The following ZNF12 variants were observed in gnomAD, a reference collection of about 807,000 sequenced individuals.
ZNF12 encodes the protein zinc finger protein 12, also known as gonadotropin inducible transcription repressor 3.
A neutral mutation model predicts 66.6 loss-of-function variants in ZNF12; 34 were observed. The observed-to-expected ratio is 0.51, with a 90% CI of 0.39 to 0.68. The LOEUF (loss-of-function observed/expected upper bound fraction) is 0.68. ZNF12 is among the 30% of genes least tolerant of loss of function. The probability of loss-of-function intolerance (pLI) is 0.00; values close to 1 mark genes in which losing one functional copy is unlikely to be tolerated. For missense variants in ZNF12, 697 were observed against 826.9 expected, an observed-to-expected ratio of 0.84 and a Z score of 1.93; for synonymous variants, 320 against 278.9, an observed-to-expected ratio of 1.15 and a Z score of -1.47.
At chr7:6,703,190 T>G (rs1456500537) in intron 2 of ZNF12, among the ~76,000 whole-genome samples, 2 of 152,196 alleles carry the variant, frequency 1.3e-5, no homozygotes, top group Non-Finnish European at 2.9e-5. Flanking sequence ...CATCCCAGCT[T>G]CAGGCAACCT....
chr7:6,691,111 C>G lies in ZNF12; in HGVS notation c.1831G>C (p.Gly611Arg). ...GEKAYECYEC[G>R]KCFSQMSYLT... ...TAGGACATCTGAGAGAAGCACTTCC[C>G]ACATTCATAACATTCGTAGGCTTTC... is the stretch of plus-strand genomic sequence containing the variant. Residue 611 changes from glycine to arginine, a missense_variant, in exon 5 of 5, where the codon GGG becomes CGG. Gly to Arg is a moderately radical substitution (Grantham distance 125). This residue lies in a region of ZNF12 where 401 missense variants were observed against 519.0 expected (regional missense o/e 0.77). Transcript: ENST00000405858. The G allele has an allele frequency of 6.2e-7, 1 of 1,614,132 alleles. No individual in the cohort carries two copies. Among genetic ancestry groups the G allele is most frequent in the Non-Finnish European group, 8.5e-7 (1 of 1,180,016 alleles).
At position 6,697,565 on chromosome 7, in the gene ZNF12, C is replaced by A; in HGVS notation, c.142+120G>T. 6.5e-7 allele frequency: 1 copy of A among 1,538,198 alleles called. No homozygotes were observed. Among genetic ancestry groups the A allele is most frequent in the Non-Finnish European group, 8.9e-7 (1 of 1,126,700 alleles). On this transcript the variant is annotated intron_variant, in intron 3 of 4. Transcript: ENST00000405858. This position sits in a 1 kb window ranked among gnomAD's most constrained non-coding sequence, Gnocchi z 6.1. ...CACGGGGGAGATCAAGACCAAAATGCCCTGCCTGGTGCCCAAAAACAGATT... is the reference window on the plus strand; with the variant it reads ...CACGGGGGAGATCAAGACCAAAATGACCTGCCTGGTGCCCAAAAACAGATT...
At chr7:6,701,605 T>C (rs1034696825) in intron 2 of ZNF12, among the ~76,000 whole-genome samples, 1 of 151,914 alleles carries the variant, frequency 6.6e-6, no homozygotes, top group Non-Finnish European at 1.5e-5. Context: ...TGTGTGGGGG[T>C]GGTTAGGATG....
At position 6,705,904 on chromosome 7, in the gene ZNF12, A is replaced by G. The variant is rs1179082361; in HGVS notation, c.-51+528T>C. On this transcript the variant is annotated intron_variant, in intron 1 of 4. Coordinates refer to ENST00000405858, the MANE Select transcript of ZNF12 (RefSeq NM_016265.4). The surrounding 1 kb of genome is among the most constrained non-coding windows in gnomAD (Gnocchi z 4.0). Reference sequence around the variant, plus strand: ...AGTGTGCTACTCAAAAGGATCTTTTATTGAAGAACTTACGCTCACTTAACT... The same window carrying G: ...AGTGTGCTACTCAAAAGGATCTTTTGTTGAAGAACTTACGCTCACTTAACT... Among the ~76,000 whole-genome samples, 1 of 152,184 alleles carries G rather than the reference A, an allele frequency of 6.6e-6. No individual in the cohort carries two copies. Among genetic ancestry groups the G allele is most frequent in the Non-Finnish European group, 1.5e-5 (1 of 68,018 alleles).
chr7:6,703,366 G>A (rs1031982491), intron 2 of ZNF12, among the ~76,000 whole-genome samples: 3 of 152,262 alleles, frequency 2.0e-5, no homozygotes, highest in African/African-American at 7.2e-5. Context: ...ACAGTAGAGA[G>A]GCCAAAAAAT....
chr7:6,693,005 AAT>A lies in ZNF12; in HGVS notation c.239-304_239-303del, dbSNP rs570141268. ...GTTCAAAACTGGGAATAGAAGATAA[AAT>A]ATAACACAGAACAATGACTGGTAGG... On this transcript the variant is annotated intron_variant, in intron 4 of 4. Coordinates refer to ENST00000405858, the MANE Select transcript of ZNF12 (RefSeq NM_016265.4). 1.3e-3 allele frequency among the ~76,000 whole-genome samples: 191 copies of A among 152,324 alleles called. 1 individual carries two copies. The highest frequency in any genetic ancestry group is 4.4e-3 in the African/African-American group (184 of 41,566).
chr7:6,702,145 C>T (rs1454414308), intron 2 of ZNF12, among the ~76,000 whole-genome samples: 4 of 152,070 alleles, frequency 2.6e-5, no homozygotes, highest in Non-Finnish European at 5.9e-5. Context: ...GCATTTGACA[C>T]AGTTGATCAC....
At position 6,697,149 on chromosome 7, in the gene ZNF12, G is replaced by A. The variant is rs1250231298; in HGVS notation, c.238+190C>T. The stretch of plus-strand genomic sequence containing the variant: ...TGACTGGAATTCGATTCTTGGGAGT[G>A]GCAAGCACAGAAAAGCTCCATAAAC... On this transcript the variant is annotated intron_variant, in intron 4 of 4. Transcript: ENST00000405858. This position sits in a 1 kb window ranked among gnomAD's most constrained non-coding sequence, Gnocchi z 6.1. 6.6e-6 allele frequency among the ~76,000 whole-genome samples: 1 copy of A among 152,100 alleles called. No individual in the cohort carries two copies. Among genetic ancestry groups the A allele is most frequent in the Admixed American group, 6.6e-5 (1 of 15,260 alleles).
At position 6,700,304 on chromosome 7, in the gene ZNF12, T is replaced by TACACACACACAAAC. The variant is rs1554294765; in HGVS notation, c.16-2494_16-2493insGTTTGTGTGTGTGT. Among the ~76,000 whole-genome samples the TACACACACACAAAC allele has an allele frequency of 4.8e-3, 623 of 129,058 alleles. 9 individuals are homozygous for TACACACACACAAAC. The highest frequency in any genetic ancestry group is 0.018 in the African/African-American group (572 of 32,556). 84.7% of individuals were successfully genotyped at this position (129,058 alleles called of 152,430 possible). ...CGTCTGAGAGGAAAAAAAAAAAATA[T>TACACACACACAAAC]ACACACACACACACACACACACACA... is the stretch of plus-strand genomic sequence containing the variant. On this transcript the variant is annotated intron_variant, in intron 2 of 4. Transcript: ENST00000405858.
chr7:6,704,525 T>A (rs1780316749), intron 2 of ZNF12, among the ~76,000 whole-genome samples: 1 of 141,432 alleles, frequency 7.1e-6, no homozygotes, highest in African/African-American at 2.7e-5. Flanking sequence ...GCTCAGGAGT[T>A]CGAGAGCAGC....
chr7:6,691,552 G>A lies in ZNF12; in HGVS notation c.1390C>T (p.Pro464Ser). The A allele has an allele frequency of 6.2e-7, 1 of 1,614,098 alleles. No individual in the cohort carries two copies. Among genetic ancestry groups the A allele is most frequent in the Non-Finnish European group, 8.5e-7 (1 of 1,179,990 alleles). The change falls in exon 5 of 5, where the codon CCC (proline) becomes TCC (serine). Residue 464 changes from proline to serine, a missense_variant. By Grantham distance (74) the Pro-to-Ser change is moderately conservative. Coordinates refer to ENST00000405858, the MANE Select transcript of ZNF12 (RefSeq NM_016265.4). ...TTTCCACATTCATTACATTCATAGG[G>A]TTTCTCTCCTGAATGAGTTCTATAA... is the stretch of plus-strand genomic sequence containing the variant. Reference protein sequence around the residue: ...VHYRTHSGEKPYECNECGKTF... With the variant: ...VHYRTHSGEKSYECNECGKTF...
Position 6,698,563 on chromosome 7 carries a change from G to C in ZNF12, c.16-752C>G, listed in dbSNP as rs1476930890. 6.6e-6 allele frequency among the ~76,000 whole-genome samples: 1 copy of C among 152,080 alleles called. No individual in the cohort carries two copies. The highest frequency in any genetic ancestry group is 1.5e-5 in the Non-Finnish European group (1 of 68,024). On this transcript the variant is annotated intron_variant, in intron 2 of 4. Coordinates refer to ENST00000405858, the MANE Select transcript of ZNF12 (RefSeq NM_016265.4). This position sits in a 1 kb window ranked among gnomAD's most constrained non-coding sequence, Gnocchi z 4.4. ...AATTACCAAAATAACAAACAGGCTGGGCAACACACATTCTAGTTTTTATTT... is the reference window on the plus strand; with the variant it reads ...AATTACCAAAATAACAAACAGGCTGCGCAACACACATTCTAGTTTTTATTT...
In ZNF12 at chr7:6,697,516, T is replaced by G; in HGVS notation, c.143-82A>C. On this transcript the variant is annotated intron_variant, in intron 3 of 4. Transcript: ENST00000405858. The surrounding 1 kb of genome is among the most constrained non-coding windows in gnomAD (Gnocchi z 6.1). ...TGTCATACAGGGAAAATTCCATTTG[T>G]GTCTTATCAAAATCAGAACTTTTCA... 6.5e-7 allele frequency: 1 copy of G among 1,533,212 alleles called. No homozygotes were observed. The highest frequency in any genetic ancestry group is 8.9e-7 in the Non-Finnish European group (1 of 1,122,610). 95.0% of individuals were successfully genotyped at this position (1,533,212 alleles called of 1,614,324 possible).
rs116524574 is a variant in ZNF12 at position 6,701,139 on chromosome 7, G to A, written c.16-3328C>T. Among the ~76,000 whole-genome samples the A allele has an allele frequency of 1.5e-3, 235 of 152,194 alleles. 1 individual carries two copies. The highest frequency in any genetic ancestry group is 5.4e-3 in the African/African-American group (225 of 41,516). On this transcript the variant is annotated intron_variant, in intron 2 of 4. Transcript: ENST00000405858. ...ATTACTGGTGTGAGCCACTATGCCCGGCTGAGGATGCATTTAAAATCAGAC... is the reference window on the plus strand; with the variant it reads ...ATTACTGGTGTGAGCCACTATGCCCAGCTGAGGATGCATTTAAAATCAGAC...
intron 2 of ZNF12, among the ~76,000 whole-genome samples, chr7:6,702,916 G>C (rs71524072): frequency 1 from 1,007 of 1,010 alleles, 502 homozygotes; most frequent in Middle Eastern, 1. Context: ...CTAGAGTGGT[G>C]TCCCAAACCA....
At chr7:6,695,918 G>C (rs1365059061) in intron 4 of ZNF12, among the ~76,000 whole-genome samples, 1 of 152,226 alleles carries the variant, frequency 6.6e-6, no homozygotes. Flanking sequence ...GTATCATGAA[G>C]AGAAGACATT....
rs1373471410 is a variant in ZNF12, at chr7:6,705,508, G to A, written c.-50-285C>T. Among the ~76,000 whole-genome samples the A allele has an allele frequency of 2.6e-5, 4 of 152,138 alleles. No individual in the cohort carries two copies. The highest frequency in any genetic ancestry group is 9.7e-5 in the African/African-American group (4 of 41,442). On this transcript the variant is annotated intron_variant, in intron 1 of 4. Transcript: ENST00000405858. This position sits in a 1 kb window ranked among gnomAD's most constrained non-coding sequence, Gnocchi z 4.0. ...CATCATTAAATGCAAGATTTAAAAA[G>A]GAATTCTGGTGACCAGCCTGGCCAA...
Position 6,691,685 on chromosome 7 carries a change from G to T in ZNF12, c.1257C>A (p.Cys419Ter). The T allele has an allele frequency of 6.2e-7, 1 of 1,613,660 alleles. No homozygotes were observed. The highest frequency in any genetic ancestry group is 2.2e-5 in the East Asian group (1 of 44,822). Residue 419 changes from cysteine to a stop codon, truncating the protein, a stop_gained, in exon 5 of 5, where the codon TGC becomes TGA. Transcript: ENST00000405858. LOFTEE classifies it high-confidence loss of function. Reference sequence around the variant, plus strand: ...GGTGGGTCGTGAGAGTAGACTTGCGGCAGAAGCATTTCCCACATTCACTAC... The same window carrying T: ...GGTGGGTCGTGAGAGTAGACTTGCGTCAGAAGCATTTCCCACATTCACTAC... ...YKCSECGKCF[C>*]RKSTLTTHLR... is the part of the protein sequence containing the mutation.
chr7:6,704,428 A>C (rs1780312988), intron 2 of ZNF12: 1 of 151,778 alleles, frequency 6.6e-6, no homozygotes, highest in African/African-American at 2.4e-5. Context: ...ACAATGTTTT[A>C]GTTACTAGAA....
Sources: allele counts gnomAD v4.1 joint callset (sites outside exome capture counted in the v4.1 genomes callset), GRCh38; gene constraint gnomAD v4.1.1; regional missense constraint gnomAD v4.1.1; non-coding constraint Gnocchi (gnomAD v3.1); transcripts MANE v1.5; gene names NCBI Gene and HGNC (gene_info 2026-07-23, HGNC 2026-07-21).